The following CAMTA1 variants were observed in gnomAD, a reference collection of about 807,000 sequenced individuals.
CAMTA1 encodes the protein calmodulin-binding transcription activator 1.
In CAMTA1, 27 loss-of-function variants were observed where a neutral mutation model predicts 170.9. That is an observed-to-expected ratio of 0.16 (90% CI 0.12 to 0.22). The LOEUF (loss-of-function observed/expected upper bound fraction) is 0.22. Ranked by LOEUF, CAMTA1 falls within the 10% of genes least tolerant of loss-of-function variation. CAMTA1 has a pLI of 1.00. For missense variants in CAMTA1, 1,619 were observed against 2,217.2 expected, an observed-to-expected ratio of 0.73 and a Z score of 5.42; for synonymous variants, 833 against 891.5, an observed-to-expected ratio of 0.93 and a Z score of 1.17.
chr1:6,911,676 A>G (rs1274521918), intron 3 of CAMTA1, among the ~76,000 whole-genome samples: 2 of 152,174 alleles, frequency 1.3e-5, no homozygotes, highest in African/African-American at 4.8e-5. Flanking sequence ...CCCTTTACCA[A>G]GTCCCCCAGA....
At chr1:7,372,757 A>T (rs931941612) in intron 5 of CAMTA1, among the ~76,000 whole-genome samples, 2 of 152,246 alleles carry the variant, frequency 1.3e-5, no homozygotes. Flanking sequence ...CACAGAAGTG[A>T]TGCACAGAGA....
intron 3 of CAMTA1, among the ~76,000 whole-genome samples, chr1:6,880,802 C>T (rs1003275385): frequency 2.6e-5 from 4 of 151,814 alleles, no homozygotes; most frequent in Admixed American, 2.0e-4. Context: ...TTTGTTTGTT[C>T]AATAAATACT....
chr1:7,564,018 G>C (rs375912798), intron 6 of CAMTA1, among the ~76,000 whole-genome samples: 2 of 152,170 alleles, frequency 1.3e-5, no homozygotes, highest in African/African-American at 2.4e-5. Flanking sequence ...GATCTAGAAG[G>C]GTCCTTTTGG....
In CAMTA1 at chr1:7,044,279, C is replaced by T. The variant is rs1457856293; in HGVS notation, c.235-47025C>T. 2.6e-5 allele frequency among the ~76,000 whole-genome samples: 4 copies of T among 152,180 alleles called. No individual in the cohort carries two copies. Among genetic ancestry groups the T allele is most frequent in the Non-Finnish European group, 5.9e-5 (4 of 68,026 alleles). ...GGTTGGGACTGGCCAAGGGTCTCAC[C>T]CAGACTAGACGGGAATGGGGGAGAC... On this transcript the variant is annotated intron_variant, in intron 3 of 22. Coordinates refer to ENST00000303635, the MANE Select transcript of CAMTA1 (RefSeq NM_015215.4). The surrounding 1 kb of genome is among the most constrained non-coding windows in gnomAD (Gnocchi z 5.0).
chr1:7,212,830 A>G (rs901830755), intron 4 of CAMTA1, among the ~76,000 whole-genome samples: 1 of 152,202 alleles, frequency 6.6e-6, no homozygotes, highest in African/African-American at 2.4e-5. Flanking sequence ...TTTTTATCAT[A>G]TCAAGAATGT....
intron 4 of CAMTA1, among the ~76,000 whole-genome samples, chr1:7,237,340 A>T (rs7521056): frequency 0.079 from 11,955 of 152,208 alleles, 1,361 homozygotes; most frequent in African/African-American, 0.24. Context: ...GAATGGGCTG[A>T]CAGGAGAAAG....
chr1:7,626,219 A>T (rs1478461508), intron 6 of CAMTA1, among the ~76,000 whole-genome samples: 1 of 152,216 alleles, frequency 6.6e-6, no homozygotes, highest in Non-Finnish European at 1.5e-5. Flanking sequence ...ATGCCAGAGC[A>T]TAAAAATCCT....
chr1:7,258,699 CT>C (rs1191093534), intron 5 of CAMTA1, among the ~76,000 whole-genome samples: 1 of 152,232 alleles, frequency 6.6e-6, no homozygotes, highest in Non-Finnish European at 1.5e-5. Flanking sequence ...CTGGCCATCA[CT>C]TGACTGAATC....
chr1:7,374,581 A>G (rs375090858), intron 5 of CAMTA1, among the ~76,000 whole-genome samples: 1 of 152,362 alleles, frequency 6.6e-6, no homozygotes, highest in Non-Finnish European at 1.5e-5. Flanking sequence ...ACCTTGGAAC[A>G]GATTAATGGC....
chr1:7,216,743 T>A lies in CAMTA1; in HGVS notation c.303-32748T>A, dbSNP rs1020077056. Among the ~76,000 whole-genome samples, 19 of 152,172 alleles carry A rather than the reference T, an allele frequency of 1.2e-4. No individual in the cohort carries two copies. The highest frequency in any genetic ancestry group is 4.3e-4 in the African/African-American group (18 of 41,438). On this transcript the variant is annotated intron_variant, in intron 4 of 22. Transcript: ENST00000303635. The surrounding 1 kb of genome is among the most constrained non-coding windows in gnomAD (Gnocchi z 4.0). ...CCAGGCTGGTCTTGAACTCCTGACT[T>A]CAAGTGATCCACCATTCTTGGCCTC...
At chr1:7,727,121 A>ATT (rs71567310) in intron 11 of CAMTA1, among the ~76,000 whole-genome samples, 1,780 of 130,316 alleles carry the variant, frequency 0.014, 71 homozygotes, top group South Asian at 0.084. Context: ...CCTTGTATTA[A>ATT]TTTTTTTTTT....
At chr1:7,525,751 A>G (rs1017160185) in intron 6 of CAMTA1, among the ~76,000 whole-genome samples, 1 of 152,170 alleles carries the variant, frequency 6.6e-6, no homozygotes, top group Non-Finnish European at 1.5e-5. Context: ...GGTCACAGCC[A>G]AGGGTGGGCA....
chr1:7,503,391 G>A (rs903147392), intron 6 of CAMTA1, among the ~76,000 whole-genome samples: 7 of 152,182 alleles, frequency 4.6e-5, no homozygotes, highest in South Asian at 2.1e-4. Context: ...GAACTTCCTC[G>A]CAGTGAGCAG....
At chr1:6,800,877 A>G (rs1643706233) in intron 1 of CAMTA1, among the ~76,000 whole-genome samples, 3 of 152,212 alleles carry the variant, frequency 2.0e-5, no homozygotes, top group African/African-American at 4.8e-5. Context: ...ACTGAGAGGC[A>G]AGTTGAAGTT....
chr1:7,617,663 T>C (rs1412038922), intron 6 of CAMTA1, among the ~76,000 whole-genome samples: 1 of 151,830 alleles, frequency 6.6e-6, no homozygotes, highest in East Asian at 1.9e-4. Context: ...AATGGTAGGG[T>C]CACCTGAAGG....
chr1:6,905,024 CTG>C (rs1678072444), intron 3 of CAMTA1, among the ~76,000 whole-genome samples: 1 of 152,032 alleles, frequency 6.6e-6, no homozygotes, highest in Admixed American at 6.5e-5. Context: ...GCTTGCCACT[CTG>C]GGGTCCGCTC....
chr1:7,676,235 C>A (rs942185353), intron 10 of CAMTA1, among the ~76,000 whole-genome samples: 92 of 152,330 alleles, frequency 6.0e-4, no homozygotes, highest in African/African-American at 2.1e-3. Context: ...TGGACTTGGC[C>A]GGGGCTCCCT....
At chr1:6,790,547 CAAA>C (rs1640803165) in intron 1 of CAMTA1, among the ~76,000 whole-genome samples, 1 of 151,996 alleles carries the variant, frequency 6.6e-6, no homozygotes, top group African/African-American at 2.4e-5. Context: ...AACATAGAGT[CAAA>C]TGTATTTTTT....
At chr1:6,978,635 A>G (rs766715349) in intron 3 of CAMTA1, among the ~76,000 whole-genome samples, 5 of 151,210 alleles carry the variant, frequency 3.3e-5, no homozygotes, top group African/African-American at 9.7e-5. Context: ...CTCCATCTAA[A>G]AAAAATACAT....
Sources: allele counts gnomAD v4.1 joint callset (sites outside exome capture counted in the v4.1 genomes callset), GRCh38; gene constraint gnomAD v4.1.1; non-coding constraint Gnocchi (gnomAD v3.1); transcripts MANE v1.5; gene names NCBI Gene and HGNC (gene_info 2026-07-23, HGNC 2026-07-21).